The following CCDC88A variants were observed in gnomAD, a reference collection of about 807,000 sequenced individuals.
The protein encoded by CCDC88A is coiled-coil and HOOK domain protein 88A, also known as girdin.
CCDC88A carries 54 observed loss-of-function variants against 234.3 expected under a neutral mutation model. The observed-to-expected ratio is 0.23, with a 90% CI of 0.19 to 0.29. CCDC88A has a LOEUF of 0.29. Among genes scored for constraint, CCDC88A ranks in the 10% least tolerant of loss-of-function variants. CCDC88A has a pLI of 1.00. For missense variants in CCDC88A, 1,832 were observed against 2,123.4 expected (o/e 0.86, Z 2.70); for synonymous variants, 753 against 737.8 (o/e 1.02, Z -0.33).
intron 12 of CCDC88A, among the ~76,000 whole-genome samples, chr2:55,341,533 C>T (rs550500253): frequency 6.6e-6 from 1 of 151,642 alleles, no homozygotes; most frequent in Non-Finnish European, 1.5e-5. Context: ...CAACTTCTGC[C>T]TCACGGGTTC....
chr2:55,306,002 G>A (rs529680024), intron 25 of CCDC88A: 15 of 152,028 alleles, frequency 9.9e-5, no homozygotes, highest in African/African-American at 3.4e-4. Context: ...TGCAAGCTCT[G>A]CCTCCTGGGT....
intron 4 of CCDC88A, among the ~76,000 whole-genome samples, chr2:55,374,151 A>G (rs900252812): frequency 2.0e-5 from 3 of 152,224 alleles, no homozygotes; most frequent in African/African-American, 7.2e-5. Context: ...AGGCGGGCAG[A>G]TCACCTGAGG....
At chr2:55,385,619 G>A (rs1675448522) in intron 3 of CCDC88A, among the ~76,000 whole-genome samples, 1 of 152,070 alleles carries the variant, frequency 6.6e-6, no homozygotes, top group Admixed American at 6.5e-5. Flanking sequence ...TTGGAAGGCT[G>A]AGGCGCGTGG....
intron 5 of CCDC88A, 167 bp from the exon 6 acceptor site, chr2:55,364,200 G>C: frequency 2.2e-6 from 1 of 448,614 alleles, no homozygotes; most frequent in Non-Finnish European, 3.9e-6. Context: ...CAACAATTTA[G>C]AAATAATTAT....
chr2:55,388,081 A>C (rs1574413974), intron 3 of CCDC88A, among the ~76,000 whole-genome samples: 1 of 152,222 alleles, frequency 6.6e-6, no homozygotes, highest in African/African-American at 2.4e-5. Flanking sequence ...TGGAGAATAC[A>C]TACTTTTTCA....
At position 55,384,608 on chromosome 2, in the gene CCDC88A, T is replaced by C. The variant is rs1033914084; in HGVS notation, c.273+4170A>G. 1.9e-4 allele frequency among the ~76,000 whole-genome samples: 24 copies of C among 126,600 alleles called. 5 individuals carry two copies. Among genetic ancestry groups the C allele is most frequent in the Non-Finnish European group, 3.8e-4 (24 of 63,472 alleles). 83.1% of individuals were successfully genotyped at this position (126,600 alleles called of 152,430 possible). A position where few individuals can be genotyped will look rare whatever the true frequency, so the allele number is the denominator to read the frequency against. ...ATATATACACATATATACGTATATA[T>C]GTGTATATATACGTATATATATGTA... On this transcript the variant is annotated intron_variant, in intron 3 of 32. Coordinates refer to ENST00000436346, the MANE Select transcript of CCDC88A (RefSeq NM_001365480.1).
intron 5 of CCDC88A, among the ~76,000 whole-genome samples, chr2:55,365,533 C>G (rs1269342110): frequency 6.6e-6 from 1 of 152,078 alleles, no homozygotes; most frequent in Non-Finnish European, 1.5e-5. Context: ...GATATACTTC[C>G]CTTTTCTAAG....
intron 13 of CCDC88A, among the ~76,000 whole-genome samples, chr2:55,338,134 A>C (rs1558695190): frequency 6.6e-6 from 1 of 152,180 alleles, no homozygotes; most frequent in Non-Finnish European, 1.5e-5. Flanking sequence ...TACATATTAA[A>C]CTTCAAAGCT....
In CCDC88A at chr2:55,303,754, G is replaced by T. The variant is rs540326803; in HGVS notation, c.4388-602C>A. On this transcript the variant is annotated intron_variant, in intron 25 of 32. Transcript: ENST00000436346. ...ACAGGAACTGATTAGAATTATTTATGCAGGGATCAACTTTCCTAGTTAAGT... is the reference window on the plus strand; with the variant it reads ...ACAGGAACTGATTAGAATTATTTATTCAGGGATCAACTTTCCTAGTTAAGT... Among the ~76,000 whole-genome samples the T allele has an allele frequency of 2.0e-5, 3 of 152,260 alleles. No homozygotes were observed. The East Asian group carries it at 5.8e-4, about 29-fold the overall frequency.
intron 11 of CCDC88A, chr2:55,344,084 A>T (rs533612729): frequency 2.8e-6 from 1 of 361,150 alleles, no homozygotes; most frequent in South Asian, 9.4e-5. Flanking sequence ...AAATTTTAGC[A>T]ATCAGATTTC....
rs185496005 is a variant in CCDC88A, at chr2:55,294,259, G to A, written c.5551+1338C>T. Reference sequence around the variant, plus strand: ...GTATTAACTGATTTCAAGTATAGAAGCCATCTTGAAGAAAAGACAGTTACT... The same window carrying A: ...GTATTAACTGATTTCAAGTATAGAAACCATCTTGAAGAAAAGACAGTTACT... On this transcript the variant is annotated intron_variant, in intron 31 of 32. Transcript: ENST00000436346. 7.3e-4 allele frequency: 693 copies of A among 948,322 alleles called. 2 individuals are homozygous for A. The Middle Eastern group carries it at 0.016, about 22-fold the overall frequency. The allele number at this position is 948,322 out of a possible 1,614,324, so 58.7% of individuals were successfully genotyped here. A position where few individuals can be genotyped will look rare whatever the true frequency, so the allele number is the denominator to read the frequency against.
intron 2 of CCDC88A, among the ~76,000 whole-genome samples, chr2:55,402,406 T>C (rs192414562): frequency 6.6e-6 from 1 of 152,296 alleles, no homozygotes; most frequent in Admixed American, 6.5e-5. Context: ...CACAAGTATG[T>C]AATTAGAAAA....
chr2:55,297,110 G>T (rs953033445), intron 29 of CCDC88A: 1 of 1,204 alleles, frequency 8.3e-4, no homozygotes, highest in Non-Finnish European at 5.5e-3. Flanking sequence ...CTTGATACTG[G>T]GGGGGTGGAG....
intron 3 of CCDC88A, among the ~76,000 whole-genome samples, chr2:55,387,402 A>C (rs1490957008): frequency 6.6e-6 from 1 of 152,112 alleles, no homozygotes; most frequent in African/African-American, 2.4e-5. Flanking sequence ...GTTTAGGTAT[A>C]AAATGTATGA....
At chr2:55,356,959 C>T (rs924736189) in intron 7 of CCDC88A, among the ~76,000 whole-genome samples, 31 of 152,244 alleles carry the variant, frequency 2.0e-4, no homozygotes, top group African/African-American at 7.5e-4. Context: ...AGCCACATTT[C>T]AAGTGCACAC....
At chr2:55,383,242 A>C (rs1674903002) in intron 3 of CCDC88A, among the ~76,000 whole-genome samples, 1 of 152,092 alleles carries the variant, frequency 6.6e-6, no homozygotes, top group South Asian at 2.1e-4. Context: ...CCAACCTATC[A>C]AAAAAATTTT....
At chr2:55,371,290 A>C (rs918502435) in intron 5 of CCDC88A, among the ~76,000 whole-genome samples, 2 of 152,238 alleles carry the variant, frequency 1.3e-5, no homozygotes, top group African/African-American at 4.8e-5. Context: ...TACATTACAC[A>C]GCATGAAATT....
chr2:55,334,374 T>A lies in CCDC88A; in HGVS notation c.2447A>T (p.Glu816Val), dbSNP rs1185341645. The A allele has an allele frequency of 6.4e-7, 1 of 1,566,388 alleles. No individual in the cohort carries two copies. Among genetic ancestry groups the A allele is most frequent in the East Asian group, 2.2e-5 (1 of 44,518 alleles). The change falls in exon 15 of 33, where the codon GAA becomes GTA. Residue 816 changes from glutamate (E) to valine (V), a missense_variant. Physicochemically the swap from Glu to Val is moderately radical, Grantham distance 121. Transcript: ENST00000436346. This position sits in a 1 kb window ranked among gnomAD's most constrained non-coding sequence, Gnocchi z 6.1. ...SSKRLEQLEKENKSLEQETSQ... is the reference protein window; with the variant it reads ...SSKRLEQLEKVNKSLEQETSQ... Reference sequence around the variant, plus strand: ...AGTCTCTTGCTCTAATGATTTATTTTCTTTTTCCAGCTGTTCTAGTCTTTT... The same window carrying A: ...AGTCTCTTGCTCTAATGATTTATTTACTTTTTCCAGCTGTTCTAGTCTTTT...
chr2:55,291,405 T>G, intron 32 of CCDC88A: 1 of 211,334 alleles, frequency 4.7e-6, no homozygotes, highest in Non-Finnish European at 9.3e-6. Flanking sequence ...GGCTTCAAAC[T>G]AAAAAAGTAA....
Sources: allele counts gnomAD v4.1 joint callset (sites outside exome capture counted in the v4.1 genomes callset), GRCh38; gene constraint gnomAD v4.1.1; non-coding constraint Gnocchi (gnomAD v3.1); transcripts MANE v1.5; gene names NCBI Gene and HGNC (gene_info 2026-07-23, HGNC 2026-07-21).